Variants in ARLN observed in about 807,000 individuals in gnomAD.
ARLN encodes allregulin, also known as sarcoplasmic/endoplasmic reticulum calcium ATPase regulator ARLN.
chr4:119,300,352 CAA>C, the ARLN span: 1 of 1,609,726 alleles, frequency 6.2e-7, no homozygotes, highest in South Asian at 1.1e-5. Context: ...AAAAAATACA[CAA>C]AGAGAAACAC....
chr4:119,301,136 G>T, the ARLN span, among the ~76,000 whole-genome samples: 4 of 150,920 alleles, frequency 2.7e-5, no homozygotes, highest in South Asian at 8.4e-4. Context: ...TAACCTGGCC[G>T]CGCCCCCCTG....
At chr4:119,301,712 A>AG in the ARLN span, among the ~76,000 whole-genome samples, 2 of 152,168 alleles carry the variant, frequency 1.3e-5, no homozygotes, top group African/African-American at 2.4e-5. Flanking sequence ...ACCTCTTTGA[A>AG]GGGGCAGTAC....
the ARLN span, chr4:119,300,833 T>C: frequency 1.2e-5 from 17 of 1,434,560 alleles, 1 homozygote; most frequent in Middle Eastern, 7.5e-4. Flanking sequence ...TCAGGTTTCG[T>C]TGGAAGAAAT....
At chr4:119,296,470 TGAG>T in the ARLN span, 10 of 152,286 alleles carry the variant, frequency 6.6e-5, no homozygotes, top group East Asian at 1.7e-3. Flanking sequence ...TTATGGAGGC[TGAG>T]AAGTCCCACA....
At chr4:119,300,292 C>G in the ARLN span, 40 of 1,502,852 alleles carry the variant, frequency 2.7e-5, no homozygotes, top group Non-Finnish European at 3.3e-5. Flanking sequence ...AGCAAATGAT[C>G]TCTAAGCTCC....
At chr4:119,304,271 T>C in the ARLN span, 1 of 1,536,600 alleles carries the variant, frequency 6.5e-7, no homozygotes, top group East Asian at 2.4e-5. Flanking sequence ...ACATTTAACT[T>C]GTCTCCACCT....
At chr4:119,300,764 C>A in the ARLN span, 1 of 1,482,396 alleles carries the variant, frequency 6.7e-7, no homozygotes, top group South Asian at 1.3e-5. Flanking sequence ...CGCCTTGACA[C>A]TAAGTCAATG....
the ARLN span, among the ~76,000 whole-genome samples, chr4:119,303,017 T>G: frequency 6.6e-6 from 1 of 152,130 alleles, no homozygotes; most frequent in African/African-American, 2.4e-5. Context: ...TAGAATAACC[T>G]CTCCAACAGT....
At chr4:119,300,292 C>A in the ARLN span, 1 of 1,502,968 alleles carries the variant, frequency 6.7e-7, no homozygotes, top group South Asian at 1.2e-5. Context: ...AGCAAATGAT[C>A]TCTAAGCTCC....
the ARLN span, chr4:119,300,640 C>A: frequency 6.3e-7 from 1 of 1,578,040 alleles, no homozygotes; most frequent in South Asian, 1.1e-5. Flanking sequence ...GCCGCCTGCG[C>A]AGTGCGCCGC....
At chr4:119,298,101 A>G in the ARLN span, 1 of 152,146 alleles carries the variant, frequency 6.6e-6, no homozygotes, top group Non-Finnish European at 1.5e-5. Flanking sequence ...GAAACACATA[A>G]TCCTTCGTTA....
At chr4:119,300,886 G>C in the ARLN span, 8 of 1,280,308 alleles carry the variant, frequency 6.2e-6, no homozygotes, top group Non-Finnish European at 8.3e-6. Context: ...TCAGGTGATG[G>C]ACTCCTCCCT....
At chr4:119,300,791 C>T in the ARLN span, 3 of 1,448,834 alleles carry the variant, frequency 2.1e-6, no homozygotes, top group Non-Finnish European at 2.7e-6. Context: ...CCTACTTCTG[C>T]CTCGCGGCGT....
chr4:119,296,505 A>T, the ARLN span: 1 of 152,220 alleles, frequency 6.6e-6, no homozygotes, highest in African/African-American at 2.4e-5. Flanking sequence ...GCAGACAGTA[A>T]GCCCAGGAAA....
the ARLN span, chr4:119,300,581 A>C: frequency 6.2e-7 from 1 of 1,613,832 alleles, no homozygotes; most frequent in Admixed American, 1.7e-5. Context: ...GAAAATGCTT[A>C]AGTTCCCGGA....
At chr4:119,297,847 G>T in the ARLN span, 1 of 152,508 alleles carries the variant, frequency 6.6e-6, no homozygotes, top group Non-Finnish European at 1.5e-5. Context: ...ATCAACCCTA[G>T]AATATAAATT....
the ARLN span, among the ~76,000 whole-genome samples, chr4:119,301,224 T>C: frequency 2.2e-3 from 293 of 130,382 alleles, no homozygotes; most frequent in African/African-American, 7.5e-3. Flanking sequence ...GCCAACATGC[T>C]GAAATCCCGT....
At chr4:119,302,236 C>T in the ARLN span, among the ~76,000 whole-genome samples, 1 of 152,056 alleles carries the variant, frequency 6.6e-6, no homozygotes, top group African/African-American at 2.4e-5. Flanking sequence ...TGTCTTTGGC[C>T]CAGAGTCACA....
the ARLN span, among the ~76,000 whole-genome samples, chr4:119,303,918 T>G: frequency 6.6e-6 from 1 of 152,178 alleles, no homozygotes; most frequent in African/African-American, 2.4e-5. Flanking sequence ...TCATCATAAC[T>G]AGGTTGCAGC....
Sources: gnomAD v4.1 joint callset for allele counts (sites outside exome capture counted in the v4.1 genomes callset) on GRCh38, gnomAD v4.1.1 for gene constraint, MANE v1.5 for transcripts, NCBI Gene and HGNC (gene_info 2026-07-23, HGNC 2026-07-21) for gene names.